Variants in RBFOX1 observed in about 807,000 individuals in gnomAD.
RBFOX1 encodes RNA binding fox-1 homolog 1.
A neutral mutation model predicts 57.7 loss-of-function variants in RBFOX1; 8 were observed. The observed-to-expected ratio is 0.14, with a 90% confidence interval of 0.08 to 0.25. The LOEUF is 0.25. Ranked by LOEUF, RBFOX1 falls within the 10% of genes least tolerant of loss-of-function variation. The pLI is 1.00. For missense variants in RBFOX1, 611 were observed against 548.5 expected, an observed-to-expected ratio of 1.11 and a Z score of -1.14; for synonymous variants, 326 against 222.4, an observed-to-expected ratio of 1.47 and a Z score of -4.15.
At chr16:7,371,357 G>C (rs1367160599) in intron 4 of RBFOX1, among the ~76,000 whole-genome samples, 1 of 152,182 alleles carries the variant, frequency 6.6e-6, no homozygotes, top group Non-Finnish European at 1.5e-5. Context: ...AGTAACGGAA[G>C]ACGGGAAATG....
At chr16:5,504,336 G>A (rs577869530) in intron 2 of RBFOX1, among the ~76,000 whole-genome samples, 7 of 152,306 alleles carry the variant, frequency 4.6e-5, no homozygotes, top group South Asian at 2.1e-4. Flanking sequence ...GCTGGGCCTC[G>A]GACTTGGCTC....
chr16:5,366,947 A>G (rs371730019), intron 1 of RBFOX1, among the ~76,000 whole-genome samples: 2 of 152,252 alleles, frequency 1.3e-5, no homozygotes, highest in African/African-American at 4.8e-5. Context: ...GTGGTCAGAC[A>G]TGGAAATGAT....
chr16:7,416,798 A>T (rs755425991), intron 4 of RBFOX1, among the ~76,000 whole-genome samples: 1 of 152,134 alleles, frequency 6.6e-6, no homozygotes, highest in Non-Finnish European at 1.5e-5. Context: ...TAGTGAGTAG[A>T]TATCATGTAT....
chr16:6,734,330 C>A (rs999105331), intron 3 of RBFOX1, among the ~76,000 whole-genome samples: 1 of 152,158 alleles, frequency 6.6e-6, no homozygotes, highest in African/African-American at 2.4e-5. Flanking sequence ...AAAAGACTAT[C>A]CTCTGGGCTC....
chr16:7,198,695 C>G (rs1203862362), intron 4 of RBFOX1, among the ~76,000 whole-genome samples: 1 of 152,174 alleles, frequency 6.6e-6, no homozygotes, highest in Non-Finnish European at 1.5e-5. Flanking sequence ...TAACAATCCA[C>G]TCACATGATA....
At chr16:5,654,606 C>A (rs1277207348) in intron 3 of RBFOX1, among the ~76,000 whole-genome samples, 1 of 152,166 alleles carries the variant, frequency 6.6e-6, no homozygotes, top group African/African-American at 2.4e-5. Flanking sequence ...CGTTTCTCAT[C>A]CAGCCCCACT....
chr16:5,516,850 C>T (rs1240093763), intron 2 of RBFOX1, among the ~76,000 whole-genome samples: 1 of 152,120 alleles, frequency 6.6e-6, no homozygotes, highest in Non-Finnish European at 1.5e-5. Context: ...CGCCTTCTGC[C>T]ATGATTGTAA....
intron 1 of RBFOX1, among the ~76,000 whole-genome samples, chr16:5,273,017 C>T (rs1197467708): frequency 6.6e-6 from 1 of 152,156 alleles, no homozygotes; most frequent in Non-Finnish European, 1.5e-5. Context: ...CTCCTGGATG[C>T]AGTCCTTTGC....
intron 3 of RBFOX1, among the ~76,000 whole-genome samples, chr16:7,023,075 A>G (rs1362119470): frequency 6.6e-6 from 1 of 152,198 alleles, no homozygotes; most frequent in Non-Finnish European, 1.5e-5. Flanking sequence ...AATCCTATGC[A>G]AAAAGCCCAG....
At chr16:5,526,910 C>T (rs891849195) in intron 2 of RBFOX1, among the ~76,000 whole-genome samples, 52 of 152,156 alleles carry the variant, frequency 3.4e-4, no homozygotes, top group African/African-American at 1.1e-3. Flanking sequence ...CACATTTGCT[C>T]GCCTCTCTAA....
At chr16:5,679,737 A>G (rs2050272680) in intron 3 of RBFOX1, among the ~76,000 whole-genome samples, 1 of 152,226 alleles carries the variant, frequency 6.6e-6, no homozygotes, top group Non-Finnish European at 1.5e-5. Flanking sequence ...CTTTGGCAAC[A>G]CAGCCATCCA....
chr16:5,962,923 A>G (rs896473318), intron 4 of RBFOX1, among the ~76,000 whole-genome samples: 4 of 151,742 alleles, frequency 2.6e-5, no homozygotes, highest in African/African-American at 7.3e-5. Flanking sequence ...GACTCCAGAC[A>G]GAGATCCAAG....
intron 1 of RBFOX1, among the ~76,000 whole-genome samples, chr16:6,305,146 C>A (rs1024947276): frequency 6.6e-6 from 1 of 152,182 alleles, no homozygotes; most frequent in African/African-American, 2.4e-5. Context: ...CCAAATCCTT[C>A]CACGGGTAGT....
At chr16:6,435,805 T>C (rs1054544566) in intron 2 of RBFOX1, among the ~76,000 whole-genome samples, 1 of 152,156 alleles carries the variant, frequency 6.6e-6, no homozygotes, top group Non-Finnish European at 1.5e-5. Context: ...AAGTAGGAGC[T>C]GGTGCCTATG....
intron 2 of RBFOX1, among the ~76,000 whole-genome samples, chr16:5,554,981 T>C (rs980209871): frequency 1.3e-5 from 2 of 152,178 alleles, no homozygotes; most frequent in African/African-American, 4.8e-5. Context: ...GTGTTAGTCA[T>C]AGGAGTGGAT....
chr16:7,687,970 G>A (rs963867111), intron 14 of RBFOX1, among the ~76,000 whole-genome samples: 2 of 152,014 alleles, frequency 1.3e-5, no homozygotes, highest in African/African-American at 4.8e-5. Context: ...AATGACCGGG[G>A]TGTGGGCCTG....
At chr16:5,425,940 A>G (rs907437554) in intron 1 of RBFOX1, among the ~76,000 whole-genome samples, 2 of 152,168 alleles carry the variant, frequency 1.3e-5, no homozygotes, top group African/African-American at 4.8e-5. Flanking sequence ...TGCAAACACA[A>G]CAGCGGCTTT....
chr16:7,142,985 A>T (rs1340678232), intron 4 of RBFOX1, among the ~76,000 whole-genome samples: 1 of 151,578 alleles, frequency 6.6e-6, no homozygotes, highest in African/African-American at 2.4e-5. Flanking sequence ...ATATGACTCC[A>T]AAATTGGGAC....
intron 2 of RBFOX1, among the ~76,000 whole-genome samples, chr16:5,545,693 G>T (rs1001146209): frequency 6.6e-6 from 1 of 151,966 alleles, no homozygotes; most frequent in Non-Finnish European, 1.5e-5. Context: ...GGAATGTAAG[G>T]AAATTACTTT....
Sources: allele counts gnomAD v4.1 joint callset (sites outside exome capture counted in the v4.1 genomes callset), GRCh38; gene constraint gnomAD v4.1.1; transcripts MANE v1.5; gene names NCBI Gene and HGNC (gene_info 2026-07-23, HGNC 2026-07-21).